TP53BP1: variants seen among roughly 807,000 people sequenced by gnomAD.
The protein encoded by TP53BP1 is tumor protein p53 binding protein 1.
Under a neutral mutation model 200.8 loss-of-function variants are expected in TP53BP1, and 61 were observed. The observed-to-expected ratio is 0.30, with a 90% confidence interval of 0.25 to 0.38. The LOEUF (loss-of-function observed/expected upper bound fraction) is 0.38. TP53BP1 is among the 10% of genes least tolerant of loss of function. TP53BP1 has a pLI of 1.00. For synonymous variants in TP53BP1, 822 were observed against 844.3 expected (o/e 0.97, Z 0.46); for missense variants, 2,144 against 2,371.9 (o/e 0.90, Z 2.00).
At chr15:43,431,037 GTT>G (rs2045657540) in intron 17 of TP53BP1, among the ~76,000 whole-genome samples, 1 of 152,274 alleles carries the variant, frequency 6.6e-6, no homozygotes, top group East Asian at 1.9e-4. Flanking sequence ...TACCATGAGA[GTT>G]GATCTGATAA....
chr15:43,429,575 C>A (rs772420846), intron 17 of TP53BP1, among the ~76,000 whole-genome samples: 1 of 152,020 alleles, frequency 6.6e-6, no homozygotes, highest in African/African-American at 2.4e-5. Flanking sequence ...TAGTAATTTA[C>A]CAAAAGCTTT....
intron 13 of TP53BP1, 195 bp from the exon 14 acceptor site, chr15:43,446,785 C>A: frequency 6.6e-7 from 1 of 1,509,778 alleles, no homozygotes; most frequent in South Asian, 1.2e-5. Context: ...AGAGGAGCAA[C>A]AGGATTCAGT....
upstream of TP53BP1, among the ~76,000 whole-genome samples, chr15:43,494,150 G>C (rs1020743756): frequency 1.3e-5 from 2 of 152,180 alleles, no homozygotes; most frequent in African/African-American, 4.8e-5. Context: ...ATTCTAGCCA[G>C]AGCAGCTGTC....
At chr15:43,464,481 A>G (rs925160993) in intron 11 of TP53BP1, among the ~76,000 whole-genome samples, 5 of 152,228 alleles carry the variant, frequency 3.3e-5, no homozygotes, top group African/African-American at 1.2e-4. Context: ...TTCACACACA[A>G]ACTTGTCCAT....
chr15:43,482,554 G>C (rs1306781938), intron 4 of TP53BP1, among the ~76,000 whole-genome samples: 1 of 152,050 alleles, frequency 6.6e-6, no homozygotes, highest in Non-Finnish European at 1.5e-5. Flanking sequence ...GGATCACAAG[G>C]TCAGGAGATC....
intron 4 of TP53BP1, among the ~76,000 whole-genome samples, chr15:43,487,288 C>T (rs2079059416): frequency 6.6e-6 from 1 of 151,072 alleles, no homozygotes; most frequent in Non-Finnish European, 1.5e-5. Context: ...CTTGTAATGG[C>T]TAAAATAAAA....
At chr15:43,479,108 T>G (rs574870638) in intron 7 of TP53BP1, among the ~76,000 whole-genome samples, 1 of 152,124 alleles carries the variant, frequency 6.6e-6, no homozygotes, top group Admixed American at 6.6e-5. Context: ...AAGATAAGAT[T>G]AGTAGTCAAG....
At chr15:43,504,180 G>C (rs1378374935) in intron 1 of TP53BP1, among the ~76,000 whole-genome samples, 1 of 152,260 alleles carries the variant, frequency 6.6e-6, no homozygotes, top group African/African-American at 2.4e-5. Context: ...GTCTTGCTCT[G>C]TTGCCCAAGC....
chr15:43,407,680 C>T lies in TP53BP1; in HGVS notation c.5747-110G>A, dbSNP rs984578259. ...CATCCCACTCTGCACAAACCAAAGC[C>T]CTATTATGTCAAACACACTGCTACT... On this transcript the variant is annotated intron_variant, in intron 27 of 27. Coordinates refer to ENST00000382044, the MANE Select transcript of TP53BP1 (RefSeq NM_001141980.3). 1.1e-5 allele frequency: 12 copies of T among 1,075,770 alleles called. No individual in the cohort carries two copies. In the African/African-American group the frequency reaches 1.9e-4, roughly 17 times the overall value. 66.6% of individuals were successfully genotyped at this position (1,075,770 alleles called of 1,614,324 possible). A position where few individuals can be genotyped will look rare whatever the true frequency, so the allele number is the denominator to read the frequency against.
chr15:43,428,260 G>T, intron 17 of TP53BP1, 92 bp from the exon 18 acceptor site: 1 of 1,127,908 alleles, frequency 8.9e-7, no homozygotes, highest in Non-Finnish European at 1.3e-6. Flanking sequence ...CTGTTTAGAG[G>T]CTCCATGAAT....
chr15:43,464,307 G>C (rs2046510787), intron 11 of TP53BP1, among the ~76,000 whole-genome samples: 2 of 152,042 alleles, frequency 1.3e-5, no homozygotes, highest in Non-Finnish European at 2.9e-5. Flanking sequence ...AGATAAGATA[G>C]TATATCAATA....
chr15:43,448,555 T>C (rs972702318), intron 12 of TP53BP1, among the ~76,000 whole-genome samples: 2 of 151,928 alleles, frequency 1.3e-5, no homozygotes, highest in African/African-American at 4.8e-5. Flanking sequence ...TTTTTTTTTT[T>C]TTGAGACGGA....
At chr15:43,483,649 G>T (rs920222419) in intron 4 of TP53BP1, among the ~76,000 whole-genome samples, 2 of 152,146 alleles carry the variant, frequency 1.3e-5, no homozygotes, top group Non-Finnish European at 2.9e-5. Flanking sequence ...GCAAGTGAAA[G>T]AAGACTAAGT....
chr15:43,509,630 A>C (rs962352408), intron 1 of TP53BP1, among the ~76,000 whole-genome samples: 8 of 152,112 alleles, frequency 5.3e-5, no homozygotes, highest in African/African-American at 1.7e-4. Flanking sequence ...GCTGGTCTTG[A>C]ACTCCTGACC....
intron 12 of TP53BP1, 111 bp from the exon 13 acceptor site, chr15:43,447,596 CTT>C: frequency 1.8e-6 from 2 of 1,089,216 alleles, no homozygotes; most frequent in African/African-American, 1.6e-5. Context: ...TTCAATCACT[CTT>C]TTCCTTTGCT....
At chr15:43,481,116 T>G in intron 4 of TP53BP1, 94 bp from the exon 5 acceptor site, 5 of 1,463,726 alleles carry the variant, frequency 3.4e-6, no homozygotes, top group Non-Finnish European at 3.8e-6. Context: ...AACCATCTCT[T>G]AGCCAAACTT....
At chr15:43,467,204 T>C (rs910678914) in intron 11 of TP53BP1, among the ~76,000 whole-genome samples, 4 of 152,064 alleles carry the variant, frequency 2.6e-5, no homozygotes, top group Non-Finnish European at 5.9e-5. Flanking sequence ...CAGCTGGGAC[T>C]ACAGGCACAC....
At chr15:43,481,503 T>G (rs1353744465) in intron 4 of TP53BP1, among the ~76,000 whole-genome samples, 1 of 151,538 alleles carries the variant, frequency 6.6e-6, no homozygotes, top group Admixed American at 6.6e-5. Flanking sequence ...TTTTTATTTT[T>G]TACTTATTTT....
intron 1 of TP53BP1, among the ~76,000 whole-genome samples, chr15:43,502,128 G>A (rs1030505436): frequency 4.2e-4 from 64 of 152,080 alleles, no homozygotes; most frequent in Admixed American, 3.9e-3. Flanking sequence ...AGACCAGCCT[G>A]GGCAATACAG....
Sources: gnomAD v4.1 joint callset for allele counts (sites outside exome capture counted in the v4.1 genomes callset) on GRCh38, gnomAD v4.1.1 for gene constraint, MANE v1.5 for transcripts, NCBI Gene and HGNC (gene_info 2026-07-23, HGNC 2026-07-21) for gene names.